Variants in CNTN4 observed in about 807,000 individuals in gnomAD.
CNTN4 encodes contactin-4.
A neutral mutation model predicts 122.5 loss-of-function variants in CNTN4; 77 were observed. That is an observed-to-expected ratio of 0.63 (90% CI 0.52 to 0.76). The LOEUF is 0.76. Among genes scored for constraint, CNTN4 ranks in the 30% least tolerant of loss-of-function variants. CNTN4 has a pLI of 0.00. For missense variants in CNTN4, 1,256 were observed against 1,259.1 expected (o/e 1.00, Z 0.04); for synonymous variants, 512 against 447.0 (o/e 1.15, Z -1.83).
At chr3:2,371,293 C>G (rs1188272409) in intron 3 of CNTN4, among the ~76,000 whole-genome samples, 2 of 152,174 alleles carry the variant, frequency 1.3e-5, no homozygotes, top group Non-Finnish European at 2.9e-5. Context: ...TCAACTCTTT[C>G]TTTTGTAGCA....
At chr3:2,751,859 G>T (rs2090110132) in intron 6 of CNTN4, among the ~76,000 whole-genome samples, 1 of 151,826 alleles carries the variant, frequency 6.6e-6, no homozygotes, top group Non-Finnish European at 1.5e-5. Flanking sequence ...TTTTAACTTA[G>T]GAATGTGGGC....
chr3:2,821,044 C>T (rs994410120), intron 7 of CNTN4, among the ~76,000 whole-genome samples: 11 of 147,228 alleles, frequency 7.5e-5, no homozygotes, highest in African/African-American at 2.8e-4. Flanking sequence ...TCACTGCAAC[C>T]TCTGCCTCCC....
intron 3 of CNTN4, among the ~76,000 whole-genome samples, chr3:2,569,946 G>A (rs1231749686): frequency 1.3e-5 from 2 of 152,016 alleles, no homozygotes; most frequent in African/African-American, 2.4e-5. Flanking sequence ...GACTCTAGAG[G>A]ATAGAGACTG....
intron 13 of CNTN4, among the ~76,000 whole-genome samples, chr3:2,975,330 A>T (rs964369676): frequency 6.6e-6 from 1 of 152,208 alleles, no homozygotes; most frequent in Non-Finnish European, 1.5e-5. Context: ...ATAGCATGGT[A>T]GGAAGGGTAC....
At position 2,425,798 on chromosome 3, in the gene CNTN4, G is replaced by C. The variant is rs1270979556; in HGVS notation, c.-89+86565G>C. On this transcript the variant is annotated intron_variant, in intron 3 of 24. Transcript: ENST00000418658. Reference sequence around the variant, plus strand: ...GCTCCTTCACAACCCTTGTGAGTTGGATTCCTAGGTATTTTATTCTCTTTG... The same window carrying C: ...GCTCCTTCACAACCCTTGTGAGTTGCATTCCTAGGTATTTTATTCTCTTTG... 9.9e-5 allele frequency among the ~76,000 whole-genome samples: 15 copies of C among 152,222 alleles called. No homozygotes were observed. The East Asian group carries it at 2.9e-3, about 29-fold the overall frequency.
At chr3:2,925,950 CCTT>C (rs1559676040) in intron 13 of CNTN4, among the ~76,000 whole-genome samples, 171 bp downstream of exon 13, 1 of 152,136 alleles carries the variant, frequency 6.6e-6, no homozygotes, top group Non-Finnish European at 1.5e-5. Context: ...TCTTTATAGT[CCTT>C]CTGGATTTGG....
At chr3:2,679,286 T>A (rs1487700996) in intron 4 of CNTN4, among the ~76,000 whole-genome samples, 1 of 152,212 alleles carries the variant, frequency 6.6e-6, no homozygotes, top group Non-Finnish European at 1.5e-5. Flanking sequence ...TGCTTAATTA[T>A]TGGAATACCT....
intron 14 of CNTN4, among the ~76,000 whole-genome samples, chr3:2,992,820 G>C (rs1261099996): frequency 1.3e-5 from 2 of 152,070 alleles, no homozygotes; most frequent in African/African-American, 4.8e-5. Context: ...TATACTTTGG[G>C]AAACACTGTC....
chr3:2,381,983 A>C (rs536184710), intron 3 of CNTN4, among the ~76,000 whole-genome samples: 1 of 152,286 alleles, frequency 6.6e-6, no homozygotes, highest in African/African-American at 2.4e-5. Flanking sequence ...AAATCTTGAG[A>C]CAAAGGCACA....
intron 3 of CNTN4, among the ~76,000 whole-genome samples, chr3:2,378,719 C>T (rs2045911482): frequency 6.6e-6 from 1 of 151,206 alleles, no homozygotes; most frequent in African/African-American, 2.4e-5. Flanking sequence ...GGAAACTTGA[C>T]ATTTCAAGCT....
intron 13 of CNTN4, among the ~76,000 whole-genome samples, chr3:2,938,231 A>G (rs1225377744): frequency 6.6e-6 from 1 of 152,026 alleles, no homozygotes; most frequent in Non-Finnish European, 1.5e-5. Flanking sequence ...CTTTGGCTCT[A>G]GTCCTGTATT....
chr3:2,359,235 C>A (rs2045009542), intron 3 of CNTN4, among the ~76,000 whole-genome samples: 3 of 152,118 alleles, frequency 2.0e-5, no homozygotes, highest in African/African-American at 7.2e-5. Flanking sequence ...ACAGTAGAGT[C>A]AACTTAGTTT....
chr3:2,236,130 C>G (rs1011011662), intron 2 of CNTN4, among the ~76,000 whole-genome samples: 13 of 152,120 alleles, frequency 8.5e-5, no homozygotes, highest in Admixed American at 7.2e-4. Context: ...CACTGTGTAG[C>G]AGCAACATAA....
intron 4 of CNTN4, among the ~76,000 whole-genome samples, chr3:2,677,500 ATC>A (rs2150444972): frequency 8.1e-6 from 1 of 122,760 alleles, no homozygotes; most frequent in East Asian, 2.6e-4. Context: ...CTATCTATCT[ATC>A]TATCTATCTA....
At chr3:2,445,812 C>T (rs905982879) in intron 3 of CNTN4, among the ~76,000 whole-genome samples, 1 of 152,136 alleles carries the variant, frequency 6.6e-6, no homozygotes, top group Admixed American at 6.6e-5. Flanking sequence ...CAGAACCCAT[C>T]TCTCTCCACC....
intron 2 of CNTN4, among the ~76,000 whole-genome samples, chr3:2,302,833 G>T (rs1231975865): frequency 4.6e-5 from 7 of 151,354 alleles, no homozygotes; most frequent in Admixed American, 4.6e-4. Context: ...TGTTTTATTT[G>T]TACCTAGCAA....
At chr3:2,621,597 G>C (rs974412128) in intron 4 of CNTN4, among the ~76,000 whole-genome samples, 1 of 151,952 alleles carries the variant, frequency 6.6e-6, no homozygotes, top group Non-Finnish European at 1.5e-5. Flanking sequence ...GTATACCTAT[G>C]TAACAAACCT....
chr3:2,532,906 A>T lies in CNTN4; in HGVS notation c.-88-38510A>T, dbSNP rs183432896. Among the ~76,000 whole-genome samples, 32 of 152,196 alleles carry T rather than the reference A, an allele frequency of 2.1e-4. No individual in the cohort carries two copies. The East Asian group carries it at 5.2e-3, about 25-fold the overall frequency. On this transcript the variant is annotated intron_variant, in intron 3 of 24. Coordinates refer to ENST00000418658, the MANE Select transcript of CNTN4 (RefSeq NM_175607.3). ...GGAAAAGAGATTATATTTTACTGAAAAACACTGTAGAACTCATAGCCTTAC... is the reference window on the plus strand; with the variant it reads ...GGAAAAGAGATTATATTTTACTGAATAACACTGTAGAACTCATAGCCTTAC...
At chr3:2,946,704 C>CTTTTTTTTTTTTTTTTT (rs55883455) in intron 13 of CNTN4, among the ~76,000 whole-genome samples, 1 of 119,388 alleles carries the variant, frequency 8.4e-6, no homozygotes, top group Admixed American at 9.5e-5. Flanking sequence ...TTTTTTTTTT[C>CTTTTTTTTTTTTTTTTT]TTTTTTTTTT....
Sources: gnomAD v4.1 joint callset for allele counts (sites outside exome capture counted in the v4.1 genomes callset) on GRCh38, gnomAD v4.1.1 for gene constraint, MANE v1.5 for transcripts, NCBI Gene and HGNC (gene_info 2026-07-23, HGNC 2026-07-21) for gene names.